Variants in CACNA2D3 observed in about 807,000 individuals in gnomAD.
CACNA2D3 encodes the protein calcium voltage-gated channel auxiliary subunit alpha2delta 3, also known as voltage-dependent calcium channel subunit alpha-2/delta-3.
Under a neutral mutation model 160.6 loss-of-function variants are expected in CACNA2D3, and 60 were observed. The ratio of observed to expected loss-of-function variants is 0.37; its 90% CI spans 0.30 to 0.46. The LOEUF is 0.46. Ranked by LOEUF, CACNA2D3 falls within the 20% of genes least tolerant of loss-of-function variation. The pLI is 1.00. For synonymous variants in CACNA2D3, 558 were observed against 492.9 expected (o/e 1.13, Z -1.75); for missense variants, 1,205 against 1,365.0 (o/e 0.88, Z 1.85).
intron 17 of CACNA2D3, among the ~76,000 whole-genome samples, chr3:54,850,261 G>A (rs1046904808): frequency 3.3e-5 from 5 of 152,108 alleles, no homozygotes; most frequent in Non-Finnish European, 5.9e-5. Context: ...ATCTTCAAAG[G>A]GGCCGGGGGG....
At position 54,840,403 on chromosome 3, in the gene CACNA2D3, C is replaced by CTTTTT. The variant is rs1174129020; in HGVS notation, c.1551+1776_1551+1780dup. Among the ~76,000 whole-genome samples the CTTTTT allele has an allele frequency of 2.8e-3, 208 of 73,448 alleles. 2 individuals are homozygous for CTTTTT. The highest frequency in any genetic ancestry group is 5.4e-3 in the East Asian group (11 of 2,056). 48.2% of individuals were successfully genotyped at this position (73,448 alleles called of 152,430 possible). ...CATCTTGCAAGCAGGAGAACCATGTCTTTTTTTTTTTTTTTTTTTTTTTTT... is the reference window on the plus strand; with the variant it reads ...CATCTTGCAAGCAGGAGAACCATGTCTTTTTTTTTTTTTTTTTTTTTTTTTTTTTT... On this transcript the variant is annotated intron_variant, in intron 16 of 37. Coordinates refer to ENST00000474759, the MANE Select transcript of CACNA2D3 (RefSeq NM_018398.3).
rs1006015495 is a variant in CACNA2D3 at position 54,714,786 on chromosome 3, G to A, written c.1168-37813G>A. On this transcript the variant is annotated intron_variant, in intron 11 of 37. Coordinates refer to ENST00000474759, the MANE Select transcript of CACNA2D3 (RefSeq NM_018398.3). ...AGATAACTGCATTCCCATGCTTATC[G>A]ATGCCTAATTCACAATAGCAAAGTA... Among the ~76,000 whole-genome samples, 3 of 152,286 alleles carry A rather than the reference G, an allele frequency of 2.0e-5. 1 individual carries two copies. The highest frequency in any genetic ancestry group is 4.1e-4 in the South Asian group (2 of 4,826).
intron 13 of CACNA2D3, among the ~76,000 whole-genome samples, chr3:54,769,151 A>AT (rs1575466820): frequency 6.6e-6 from 1 of 152,240 alleles, no homozygotes; most frequent in East Asian, 1.9e-4. Context: ...CAGGGTTCAC[A>AT]TGGTGAACTC....
chr3:54,384,947 C>A (rs1699164136), intron 3 of CACNA2D3, among the ~76,000 whole-genome samples: 1 of 152,072 alleles, frequency 6.6e-6, no homozygotes. Flanking sequence ...TCTCTAATTC[C>A]TTACCTCAGG....
intron 13 of CACNA2D3, among the ~76,000 whole-genome samples, chr3:54,804,160 T>C (rs1158248809): frequency 4.6e-5 from 7 of 150,710 alleles, no homozygotes; most frequent in African/African-American, 1.7e-4. Flanking sequence ...ATGAGCAAAA[T>C]AACCAGCTAA....
intron 2 of CACNA2D3, among the ~76,000 whole-genome samples, chr3:54,239,636 G>A (rs1244771261): frequency 6.6e-6 from 1 of 152,196 alleles, no homozygotes. Flanking sequence ...TCTACTGGGT[G>A]CCATGGTTCA....
At chr3:54,865,532 C>T (rs1699381931) in intron 17 of CACNA2D3, among the ~76,000 whole-genome samples, 1 of 152,254 alleles carries the variant, frequency 6.6e-6, no homozygotes, top group Non-Finnish European at 1.5e-5. Flanking sequence ...TGATGTGCAG[C>T]TGGCAACATG....
At chr3:54,907,836 T>C (rs1700478428) in intron 27 of CACNA2D3, among the ~76,000 whole-genome samples, 1 of 152,200 alleles carries the variant, frequency 6.6e-6, no homozygotes, top group African/African-American at 2.4e-5. Context: ...ATGTGCCCTT[T>C]TGTGACAAGC....
In CACNA2D3 at chr3:54,699,578, A is replaced by C. The variant is rs189528839; in HGVS notation, c.1168-53021A>C. Among the ~76,000 whole-genome samples, 6 of 152,202 alleles carry C rather than the reference A, an allele frequency of 3.9e-5. No individual in the cohort carries two copies. The East Asian group carries it at 1.2e-3, about 29-fold the overall frequency. On this transcript the variant is annotated intron_variant, in intron 11 of 37. Coordinates refer to ENST00000474759, the MANE Select transcript of CACNA2D3 (RefSeq NM_018398.3). Reference sequence around the variant, plus strand: ...GTTTATGTCTTATCTTCTCCGTGAGACTAGCAGCATTTTAATATAAGGGCA... The same window carrying C: ...GTTTATGTCTTATCTTCTCCGTGAGCCTAGCAGCATTTTAATATAAGGGCA...
chr3:54,167,537 G>A (rs1700483115), intron 2 of CACNA2D3, among the ~76,000 whole-genome samples: 1 of 152,200 alleles, frequency 6.6e-6, no homozygotes, highest in South Asian at 2.1e-4. Flanking sequence ...TGGAGTCTTG[G>A]TGAGGTCAAG....
chr3:54,688,028 C>T (rs1202484244), intron 11 of CACNA2D3, among the ~76,000 whole-genome samples: 1 of 152,122 alleles, frequency 6.6e-6, no homozygotes, highest in Non-Finnish European at 1.5e-5. Context: ...CCAGAATGTT[C>T]TTACTTAGTG....
chr3:54,262,939 A>G lies in CACNA2D3; in HGVS notation c.205-57503A>G, dbSNP rs370216439. On this transcript the variant is annotated intron_variant, in intron 2 of 37. Coordinates refer to ENST00000474759, the MANE Select transcript of CACNA2D3 (RefSeq NM_018398.3). Reference sequence around the variant, plus strand: ...AAGTAAATCAGGAATCTGCTTGCTTATAATTAGAACATTACAGATCAGGAT... The same window carrying G: ...AAGTAAATCAGGAATCTGCTTGCTTGTAATTAGAACATTACAGATCAGGAT... Among the ~76,000 whole-genome samples the G allele has an allele frequency of 3.9e-5, 6 of 152,306 alleles. No homozygotes were observed. In the East Asian group the frequency reaches 9.6e-4, roughly 24 times the overall value.
chr3:55,051,576 T>C (rs557047151), intron 35 of CACNA2D3, among the ~76,000 whole-genome samples: 4,831 of 149,136 alleles, frequency 0.032, 234 homozygotes, highest in African/African-American at 0.1. Context: ...GTGCCCTCCC[T>C]CCAGAGGTGG....
intron 2 of CACNA2D3, among the ~76,000 whole-genome samples, chr3:54,155,890 A>G (rs1237250190): frequency 6.6e-6 from 1 of 152,218 alleles, no homozygotes; most frequent in Non-Finnish European, 1.5e-5. Context: ...ACCTCCCAGA[A>G]CTTTGATTTA....
chr3:54,939,100 G>C (rs1559637901), intron 27 of CACNA2D3, among the ~76,000 whole-genome samples: 1 of 152,202 alleles, frequency 6.6e-6, no homozygotes, highest in African/African-American at 2.4e-5. Flanking sequence ...CTTTTCCTCT[G>C]TCTAGATATC....
At chr3:54,217,926 T>C (rs1484856204) in intron 2 of CACNA2D3, among the ~76,000 whole-genome samples, 1 of 150,832 alleles carries the variant, frequency 6.6e-6, no homozygotes, top group Non-Finnish European at 1.5e-5. Flanking sequence ...GAGAAAGAGA[T>C]GTGTTAGAGA....
At chr3:54,511,232 T>A (rs915302842) in intron 5 of CACNA2D3, among the ~76,000 whole-genome samples, 3 of 152,172 alleles carry the variant, frequency 2.0e-5, no homozygotes. Flanking sequence ...CTCTGCCCCC[T>A]CATTTATGCC....
intron 17 of CACNA2D3, among the ~76,000 whole-genome samples, chr3:54,870,914 G>A (rs981668038): frequency 3.3e-5 from 5 of 152,104 alleles, no homozygotes; most frequent in Non-Finnish European, 5.9e-5. Flanking sequence ...TAAGGAGTAC[G>A]GGTAGGTTTG....
chr3:55,030,740 G>C (rs1034046204), intron 35 of CACNA2D3, among the ~76,000 whole-genome samples: 1 of 152,220 alleles, frequency 6.6e-6, no homozygotes, highest in East Asian at 1.9e-4. Flanking sequence ...AGAGGAAAAA[G>C]TACCCTATTT....
Sources: gnomAD v4.1 joint callset for allele counts (sites outside exome capture counted in the v4.1 genomes callset) on GRCh38, gnomAD v4.1.1 for gene constraint, MANE v1.5 for transcripts, NCBI Gene and HGNC (gene_info 2026-07-23, HGNC 2026-07-21) for gene names.